The following PPM1B variants were observed in gnomAD, a reference collection of about 807,000 sequenced individuals.
The protein encoded by PPM1B is protein phosphatase, Mg2+/Mn2+ dependent 1B, also known as protein phosphatase 1B.
PPM1B carries 22 observed loss-of-function variants against 43.0 expected under a neutral mutation model. The ratio of observed to expected loss-of-function variants is 0.51; its 90% confidence interval spans 0.37 to 0.73. The LOEUF is 0.73. Ranked by LOEUF, PPM1B falls within the 30% of genes least tolerant of loss-of-function variation. PPM1B has a pLI of 0.00. For missense variants in PPM1B, 632 were observed against 584.2 expected, an observed-to-expected ratio of 1.08 and a Z score of -0.84; for synonymous variants, 217 against 197.9, an observed-to-expected ratio of 1.10 and a Z score of -0.81.
chr2:44,184,444 C>G (rs1171985096), intron 1 of PPM1B, among the ~76,000 whole-genome samples: 4 of 152,086 alleles, frequency 2.6e-5, no homozygotes, highest in African/African-American at 9.7e-5. Context: ...TGCTCAAGAA[C>G]TTAGTTCTTT....
At chr2:44,205,409 T>A (rs984537713) in intron 2 of PPM1B, among the ~76,000 whole-genome samples, 1 of 127,946 alleles carries the variant, frequency 7.8e-6, no homozygotes, top group Non-Finnish European at 1.6e-5. Context: ...GTTTTCATGG[T>A]CTGAGAAATT....
Position 44,218,059 on chromosome 2 carries a change from G to C in PPM1B, c.1057G>C (p.Gly353Arg). Residue 353 changes from glycine to arginine, a missense_variant, in exon 4 of 6, where the codon GGG becomes CGG. Physicochemically the swap from Gly to Arg is moderately radical, Grantham distance 125. This residue lies in a region of PPM1B where 392 missense variants were observed against 302.7 expected (regional missense o/e 1.29). Coordinates refer to ENST00000282412, the MANE Select transcript of PPM1B (RefSeq NM_002706.6). ...AGAAAATATCCCAAATTTGCCTCCT[G>C]GGGGAGGTCTTGCTGGCAAGTAAGT... ...SAENIPNLPPGGGLAGKRNVI... is the reference protein window; with the variant it reads ...SAENIPNLPPRGGLAGKRNVI... 6.2e-7 allele frequency: 1 copy of C among 1,612,264 alleles called. No individual in the cohort carries two copies. The highest frequency in any genetic ancestry group is 8.5e-7 in the Non-Finnish European group (1 of 1,179,108).
At chr2:44,210,836 T>C (rs1435851581) in intron 3 of PPM1B, among the ~76,000 whole-genome samples, 1 of 152,038 alleles carries the variant, frequency 6.6e-6, no homozygotes, top group African/African-American at 2.4e-5. Context: ...CTGTAGTATA[T>C]CCATAAAAAT....
intron 1 of PPM1B, among the ~76,000 whole-genome samples, chr2:44,189,630 A>T (rs1432357319): frequency 1.3e-5 from 2 of 151,788 alleles, no homozygotes; most frequent in South Asian, 2.1e-4. Context: ...CGCCTGGCTA[A>T]TTTTTTGTAT....
chr2:44,189,298 A>G (rs1668290872), intron 1 of PPM1B, among the ~76,000 whole-genome samples: 1 of 152,150 alleles, frequency 6.6e-6, no homozygotes, highest in African/African-American at 2.4e-5. Context: ...TGTCTGTATG[A>G]GAGGAGACTG....
In PPM1B at chr2:44,231,276, G is replaced by T; in HGVS notation, c.*558G>T. On this transcript the variant is annotated 3_prime_UTR_variant, in exon 6 of 6. Coordinates refer to ENST00000282412, the MANE Select transcript of PPM1B (RefSeq NM_002706.6). ...TATTTTTAGAAGTTGTGAGATATTG[G>T]ATGTGTGGCTATTTTTCCTTTCTCT... 1.0e-6 allele frequency: 1 copy of T among 977,240 alleles called. No individual in the cohort carries two copies. The highest frequency in any genetic ancestry group is 1.2e-6 in the Non-Finnish European group (1 of 822,580). 60.5% of individuals were successfully genotyped at this position (977,240 alleles called of 1,614,324 possible).
rs776441810 is a variant in PPM1B at position 44,209,258 on chromosome 2, C to G, written c.895C>G (p.Pro299Ala). ...TGTACTAGTTTGCTTTTCAAATGCT[C>G]CCAAGGTCTCAGATGAAGCGGTGAA... ...SIVLVCFSNA[P>A]KVSDEAVKKD... The change falls in exon 3 of 6, where the codon CCC (proline) becomes GCC (alanine). Residue 299 changes from proline (P) to alanine (A), a missense_variant. Physicochemically the swap from Pro to Ala is conservative, Grantham distance 27 (BLOSUM62 -1). This residue lies in a region of PPM1B where 392 missense variants were observed against 302.7 expected (regional missense o/e 1.29). Coordinates refer to ENST00000282412, the MANE Select transcript of PPM1B (RefSeq NM_002706.6). 3.7e-6 allele frequency: 6 copies of G among 1,613,524 alleles called. No individual in the cohort carries two copies. In the African/African-American group the frequency reaches 8.0e-5, roughly 22 times the overall value.
intron 1 of PPM1B, among the ~76,000 whole-genome samples, chr2:44,179,666 A>G (rs977343726): frequency 1.3e-5 from 2 of 152,120 alleles, no homozygotes; most frequent in African/African-American, 4.8e-5. Context: ...TAGATATTAG[A>G]TATTAGATTT....
chr2:44,243,376 C>G (rs1484755937), intron 5 of PPM1B, among the ~76,000 whole-genome samples: 2 of 152,162 alleles, frequency 1.3e-5, no homozygotes, highest in Non-Finnish European at 2.9e-5. Flanking sequence ...TATGTTTCAA[C>G]AAGTGTCATA....
At chr2:44,200,596 A>T (rs928523423) in intron 1 of PPM1B, among the ~76,000 whole-genome samples, 4 of 152,204 alleles carry the variant, frequency 2.6e-5, no homozygotes, top group African/African-American at 2.4e-5. Context: ...ATAAAACCAA[A>T]TGTGTGTAGA....
downstream of PPM1B, among the ~76,000 whole-genome samples, chr2:44,236,253 ATTAAC>A (rs1162099957): frequency 6.6e-6 from 1 of 151,806 alleles, no homozygotes; most frequent in Non-Finnish European, 1.5e-5. Context: ...AAATAAAAAA[ATTAAC>A]TTGGTGTGGT....
chr2:44,218,542 G>T lies in PPM1B; in HGVS notation c.1134+5G>T. On this transcript the variant is annotated splice_donor_5th_base_variant and intron_variant, in intron 5 of 5. Coordinates refer to ENST00000282412, the MANE Select transcript of PPM1B (RefSeq NM_002706.6). Reference sequence around the variant, plus strand: ...CCACATAGAGAAAGTGATGGGGTAAGTTTTATTTTATTTCATAAGCATTTG... The same window carrying T: ...CCACATAGAGAAAGTGATGGGGTAATTTTTATTTTATTTCATAAGCATTTG... The T allele has an allele frequency of 6.4e-7, 1 of 1,565,788 alleles. No individual in the cohort carries two copies. Among genetic ancestry groups the T allele is most frequent in the South Asian group, 1.2e-5 (1 of 84,160 alleles).
intron 5 of PPM1B, among the ~76,000 whole-genome samples, chr2:44,223,684 T>TG (rs1222060652): frequency 1.3e-5 from 2 of 150,774 alleles, no homozygotes; most frequent in Non-Finnish European, 3.0e-5. Flanking sequence ...GGCGTGGTGG[T>TG]GGGCGCCTGT....
rs575867079 is a variant in PPM1B, at chr2:44,220,696, G to T, written c.1134+2159G>T. 3.3e-5 allele frequency among the ~76,000 whole-genome samples: 5 copies of T among 152,284 alleles called. No individual in the cohort carries two copies. The South Asian group carries it at 1.0e-3, about 32-fold the overall frequency. On this transcript the variant is annotated intron_variant, in intron 5 of 5. Coordinates refer to ENST00000282412, the MANE Select transcript of PPM1B (RefSeq NM_002706.6). The stretch of plus-strand genomic sequence containing the variant: ...ACACCTTAAATGATCAAAATATTTC[G>T]TATAGCTTGGTAACAAATAAATGAC...
chr2:44,225,021 T>C (rs1424173035), intron 5 of PPM1B, among the ~76,000 whole-genome samples: 2 of 152,186 alleles, frequency 1.3e-5, no homozygotes, highest in Non-Finnish European at 2.9e-5. Flanking sequence ...ATTATACCTG[T>C]GCACAAATCA....
chr2:44,197,569 A>G (rs1005648208), intron 1 of PPM1B, among the ~76,000 whole-genome samples: 1 of 152,208 alleles, frequency 6.6e-6, no homozygotes, highest in Admixed American at 6.5e-5. Context: ...AGTCAGGGAT[A>G]TGACATTGAG....
intron 5 of PPM1B, chr2:44,218,902 C>T (rs759159139): frequency 8.4e-5 from 39 of 464,430 alleles, no homozygotes; most frequent in Non-Finnish European, 1.4e-4. Context: ...CTGCCATCAC[C>T]AGAAGTTAGT....
In PPM1B at chr2:44,201,432, AC is replaced by A; in HGVS notation, c.234del (p.His78GlnfsTer34). The A allele has an allele frequency of 6.2e-7, 1 of 1,614,164 alleles. No individual in the cohort carries two copies. On this transcript the variant is annotated frameshift_variant, in exon 2 of 6. Coordinates refer to ENST00000282412, the MANE Select transcript of PPM1B (RefSeq NM_002706.6). LOFTEE classifies it high-confidence loss of function. The surrounding 1 kb of genome is among the most constrained non-coding windows in gnomAD (Gnocchi z 5.4). ...ANYCSTHLLE[H>X]ITTNEDFRAA... ...TACTGCTCAACACATTTATTAGAACACATCACTACTAACGAAGACTTTAGGG... is the reference window on the plus strand; with the variant it reads ...TACTGCTCAACACATTTATTAGAACAATCACTACTAACGAAGACTTTAGGG...
chr2:44,221,146 T>A, intron 5 of PPM1B, among the ~76,000 whole-genome samples: 1 of 152,192 alleles, frequency 6.6e-6, no homozygotes, highest in Non-Finnish European at 1.5e-5. Context: ...GGCAGTCAGG[T>A]AGTTGTGAAA....
Sources: gnomAD v4.1 joint callset for allele counts (sites outside exome capture counted in the v4.1 genomes callset) on GRCh38, gnomAD v4.1.1 for gene constraint, gnomAD v4.1.1 regional missense constraint, Gnocchi (gnomAD v3.1) non-coding constraint, MANE v1.5 for transcripts, NCBI Gene and HGNC (gene_info 2026-07-23, HGNC 2026-07-21) for gene names.